The following TMCC1 variants were observed in gnomAD, a reference collection of about 807,000 sequenced individuals.
TMCC1 encodes the protein transmembrane and coiled-coil domain family 1.
TMCC1 carries 15 observed loss-of-function variants against 52.4 expected under a neutral mutation model. The ratio of observed to expected loss-of-function variants is 0.29; its 90% CI spans 0.19 to 0.44. The LOEUF (loss-of-function observed/expected upper bound fraction) is 0.44. TMCC1 is among the 20% of genes least tolerant of loss of function. The pLI is 1.00. For missense variants in TMCC1, 503 were observed against 806.0 expected, an observed-to-expected ratio of 0.62 and a Z score of 4.55; for synonymous variants, 279 against 301.9, an observed-to-expected ratio of 0.92 and a Z score of 0.79.
chr3:129,650,681 A>G lies in TMCC1; in HGVS notation c.*800T>C, dbSNP rs1171832892. On this transcript the variant is annotated 3_prime_UTR_variant, in exon 7 of 7. Transcript: ENST00000393238. ...TATTAGAAACCATAAGGAAGCACTG[A>G]GAGTTTGAGTATTACATTCTTCAAG... The G allele has an allele frequency of 1.3e-5, 2 of 152,624 alleles. No individual in the cohort carries two copies. Among genetic ancestry groups the G allele is most frequent in the Non-Finnish European group, 2.9e-5 (2 of 68,044 alleles). The allele number at this position is 152,624 out of a possible 1,614,324, so 9.5% of individuals were successfully genotyped here. A position where few individuals can be genotyped will look rare whatever the true frequency, so the allele number is the denominator to read the frequency against.
chr3:129,859,105 T>C (rs1156788915), intron 2 of TMCC1, among the ~76,000 whole-genome samples: 2 of 152,210 alleles, frequency 1.3e-5, no homozygotes, highest in African/African-American at 4.8e-5. Flanking sequence ...TGACTGCTCA[T>C]AGTATAATTT....
At chr3:129,848,894 C>T (rs1051830128) in intron 2 of TMCC1, among the ~76,000 whole-genome samples, 3 of 151,600 alleles carry the variant, frequency 2.0e-5, no homozygotes, top group African/African-American at 7.3e-5. Context: ...GCTACTATGG[C>T]TCGCTCCTCT....
At chr3:129,751,771 G>A (rs540983523) in intron 4 of TMCC1, among the ~76,000 whole-genome samples, 44 of 152,192 alleles carry the variant, frequency 2.9e-4, no homozygotes, top group Middle Eastern at 3.4e-3. Context: ...ATGTTGGCCA[G>A]GCTGGTCTCA....
chr3:129,863,469 G>C lies in TMCC1; in HGVS notation c.-184+16840C>G, dbSNP rs188196388. Among the ~76,000 whole-genome samples, 3 of 152,214 alleles carry C rather than the reference G, an allele frequency of 2.0e-5. No homozygotes were observed. In the East Asian group the frequency reaches 5.8e-4, roughly 29 times the overall value. On this transcript the variant is annotated intron_variant, in intron 2 of 6. Coordinates refer to ENST00000393238, the MANE Select transcript of TMCC1 (RefSeq NM_001017395.5). ...CTAAACTTCATGCCTCACAGAGATT[G>C]AATCCTGAGATTCTACTGAGAAGGT...
At chr3:129,674,506 G>C (rs1356208661) in intron 4 of TMCC1, among the ~76,000 whole-genome samples, 2 of 152,098 alleles carry the variant, frequency 1.3e-5, no homozygotes, top group Admixed American at 6.5e-5. Context: ...AATAAGGGGA[G>C]GGGAAGAGAG....
chr3:129,706,181 C>T (rs554812444), intron 4 of TMCC1, among the ~76,000 whole-genome samples: 11 of 151,680 alleles, frequency 7.3e-5, no homozygotes, highest in South Asian at 4.2e-4. Flanking sequence ...TGAGCCACCG[C>T]GCCTGGCCAA....
intron 5 of TMCC1, among the ~76,000 whole-genome samples, chr3:129,657,480 A>T (rs1462196903): frequency 6.6e-6 from 1 of 152,204 alleles, no homozygotes. Flanking sequence ...CAAAAATATT[A>T]AGTAGGGCAG....
intron 4 of TMCC1, among the ~76,000 whole-genome samples, chr3:129,710,680 C>A (rs546846856): frequency 3.9e-5 from 6 of 152,274 alleles, no homozygotes; most frequent in Admixed American, 3.9e-4. Context: ...ACGCAAAAAA[C>A]AACTCTACTT....
intron 5 of TMCC1, among the ~76,000 whole-genome samples, chr3:129,661,904 A>T (rs1364961491): frequency 6.6e-6 from 1 of 152,204 alleles, no homozygotes; most frequent in Non-Finnish European, 1.5e-5. Context: ...TATCCCCATT[A>T]CTAATATTAT....
intron 4 of TMCC1, among the ~76,000 whole-genome samples, chr3:129,805,028 G>A (rs1030985465): frequency 6.6e-6 from 1 of 152,090 alleles, no homozygotes; most frequent in East Asian, 1.9e-4. Context: ...AATTTCACAT[G>A]GTTCAAAGTA....
At chr3:129,760,475 T>TGTGTGTGC (rs2053460437) in intron 4 of TMCC1, among the ~76,000 whole-genome samples, 1 of 150,904 alleles carries the variant, frequency 6.6e-6, no homozygotes, top group African/African-American at 2.4e-5. Flanking sequence ...TGTGTGTGTG[T>TGTGTGTGC]GTGTGTGTGT....
intron 4 of TMCC1, among the ~76,000 whole-genome samples, chr3:129,783,589 G>A (rs2055722728): frequency 6.6e-6 from 1 of 151,766 alleles, no homozygotes; most frequent in Non-Finnish European, 1.5e-5. Flanking sequence ...TTGCCTTCAG[G>A]GCCTGTTTTA....
At chr3:129,886,726 G>A (rs929877878) in intron 1 of TMCC1, among the ~76,000 whole-genome samples, 7 of 151,686 alleles carry the variant, frequency 4.6e-5, no homozygotes, top group Non-Finnish European at 1.0e-4. Flanking sequence ...AATCACTTGA[G>A]GTCAGGAGTT....
chr3:129,787,880 G>A (rs1350861758), intron 4 of TMCC1, among the ~76,000 whole-genome samples: 3 of 152,098 alleles, frequency 2.0e-5, no homozygotes, highest in African/African-American at 7.2e-5. Flanking sequence ...GAAAACTATT[G>A]GCAATGGTTT....
chr3:129,862,248 A>C (rs569471389), intron 2 of TMCC1, among the ~76,000 whole-genome samples: 1 of 152,268 alleles, frequency 6.6e-6, no homozygotes, highest in African/African-American at 2.4e-5. Flanking sequence ...ATGGGTACAG[A>C]GTTTCTTTTG....
At chr3:129,839,896 A>G (rs1053548234) in intron 2 of TMCC1, among the ~76,000 whole-genome samples, 3 of 152,144 alleles carry the variant, frequency 2.0e-5, no homozygotes. Context: ...AAATAAAAAA[A>G]GAAACAAACA....
chr3:129,845,885 G>C (rs2059644684), intron 2 of TMCC1, among the ~76,000 whole-genome samples: 2 of 151,954 alleles, frequency 1.3e-5, no homozygotes, highest in South Asian at 2.1e-4. Context: ...AAATTTTTAA[G>C]TGGCCAGATG....
intron 4 of TMCC1, among the ~76,000 whole-genome samples, chr3:129,711,861 G>A (rs1281051657): frequency 9.9e-5 from 15 of 150,770 alleles, no homozygotes; most frequent in African/African-American, 3.7e-4. Context: ...AATCAGCTGG[G>A]CATGGTGGCA....
chr3:129,815,688 C>T (rs772641839), intron 4 of TMCC1, among the ~76,000 whole-genome samples: 2 of 152,080 alleles, frequency 1.3e-5, no homozygotes, highest in Non-Finnish European at 2.9e-5. Context: ...TTGGTCTGGA[C>T]AAGGATTTTC....
Sources: gnomAD v4.1 joint callset for allele counts (sites outside exome capture counted in the v4.1 genomes callset) on GRCh38, gnomAD v4.1.1 for gene constraint, MANE v1.5 for transcripts, NCBI Gene and HGNC (gene_info 2026-07-23, HGNC 2026-07-21) for gene names.